Variants in AXIN1 observed in about 807,000 individuals in gnomAD.
The protein encoded by AXIN1 is axin-1.
In AXIN1, 30 loss-of-function variants were observed where a neutral mutation model predicts 76.4. The ratio of observed to expected loss-of-function variants is 0.39; its 90% CI spans 0.29 to 0.53. The LOEUF (loss-of-function observed/expected upper bound fraction) is 0.53, where lower values mean the gene tolerates loss of function less well. AXIN1 is among the 20% of genes least tolerant of loss of function. The pLI is 0.66. For missense variants in AXIN1, 1,140 were observed against 1,198.8 expected (o/e 0.95, Z 0.72); for synonymous variants, 545 against 501.4 (o/e 1.09, Z -1.16).
chr16:325,315 C>T (rs543967185), intron 2 of AXIN1, among the ~76,000 whole-genome samples: 2 of 152,298 alleles, frequency 1.3e-5, no homozygotes, highest in Non-Finnish European at 2.9e-5. Context: ...CCCGCTGCTC[C>T]GGCGCCCCCT....
intron 5 of AXIN1, 117 bp downstream of exon 5, chr16:304,187 T>C (rs756896944): frequency 2.2e-5 from 35 of 1,556,162 alleles, no homozygotes; most frequent in South Asian, 6.8e-5. Context: ...GGAGGCCTCA[T>C]GGGTCAGCAG....
chr16:322,306 C>G (rs1439001410), intron 2 of AXIN1, among the ~76,000 whole-genome samples: 1 of 152,236 alleles, frequency 6.6e-6, no homozygotes, highest in Non-Finnish European at 1.5e-5. Context: ...GATGGCCCTG[C>G]TGGTAGTGCG....
intron 6 of AXIN1, among the ~76,000 whole-genome samples, 191 bp from the exon 7 acceptor site, chr16:297,417 C>G (rs2052743860): frequency 6.6e-6 from 1 of 152,156 alleles, no homozygotes; most frequent in African/African-American, 2.4e-5. Context: ...CCCCTGCCCG[C>G]TGTCCTGGTG....
chr16:322,655 A>C (rs2053485136), intron 2 of AXIN1, among the ~76,000 whole-genome samples: 1 of 152,210 alleles, frequency 6.6e-6, no homozygotes, highest in African/African-American at 2.4e-5. Context: ...ATGTGTCTCC[A>C]GCCACCTGAG....
At chr16:299,971 AT>A (rs993945897) in intron 5 of AXIN1, among the ~76,000 whole-genome samples, 2 of 147,606 alleles carry the variant, frequency 1.4e-5, no homozygotes, top group Non-Finnish European at 3.0e-5. Context: ...TATTTATTTA[AT>A]TTTTTTTTGA....
rs1329229363 is a variant in AXIN1, at chr16:287,969, C to G, written c.*153G>C. 1.5e-6 allele frequency: 2 copies of G among 1,330,438 alleles called. No individual in the cohort carries two copies. Among genetic ancestry groups the G allele is most frequent in the Non-Finnish European group, 2.1e-6 (2 of 942,158 alleles). 82.4% of individuals were successfully genotyped at this position (1,330,438 alleles called of 1,614,324 possible). A position where few individuals can be genotyped will look rare whatever the true frequency, so the allele number is the denominator to read the frequency against. ...CTTGTGGACCACTTGGAGGGACCCC[C>G]TACCTGCCTCTAGACACGGGTAGAC... On this transcript the variant is annotated 3_prime_UTR_variant, in exon 11 of 11. Transcript: ENST00000262320.
intron 5 of AXIN1, among the ~76,000 whole-genome samples, chr16:299,824 T>C (rs2052821843): frequency 6.6e-6 from 1 of 151,156 alleles, no homozygotes; most frequent in African/African-American, 2.4e-5. Flanking sequence ...CCCGGCTAAT[T>C]TTTTATATTT....
chr16:296,928 A>G, intron 7 of AXIN1, 128 bp downstream of exon 7: 1 of 1,187,534 alleles, frequency 8.4e-7, no homozygotes, highest in South Asian at 1.3e-5. Context: ...TGCCACAGTG[A>G]CAGGGGAAGT....
intron 2 of AXIN1, among the ~76,000 whole-genome samples, chr16:340,706 C>G (rs1165651933): frequency 6.6e-6 from 1 of 152,180 alleles, no homozygotes; most frequent in Non-Finnish European, 1.5e-5. Context: ...AGAGGCAGAG[C>G]GGGGGAGCCA....
chr16:315,277 T>C (rs1198373956), intron 2 of AXIN1, among the ~76,000 whole-genome samples: 1 of 152,224 alleles, frequency 6.6e-6, no homozygotes, highest in Non-Finnish European at 1.5e-5. Context: ...CTTTTTTCAA[T>C]CTGCACTTCC....
chr16:294,910 A>G (rs888301339), intron 7 of AXIN1, among the ~76,000 whole-genome samples: 4 of 151,138 alleles, frequency 2.6e-5, no homozygotes, highest in African/African-American at 9.7e-5. Context: ...AAAAAATACA[A>G]AAAATTAGCC....
intron 2 of AXIN1, among the ~76,000 whole-genome samples, chr16:326,462 T>C (rs984108719): frequency 2.7e-5 from 4 of 149,694 alleles, no homozygotes; most frequent in Non-Finnish European, 5.9e-5. Context: ...AAAAATGTGA[T>C]TGAGAGCCGG....
intron 2 of AXIN1, among the ~76,000 whole-genome samples, chr16:316,962 A>C (rs539095814): frequency 6.6e-6 from 1 of 152,318 alleles, no homozygotes; most frequent in African/African-American, 2.4e-5. Flanking sequence ...AAGATAACCA[A>C]GACACCTCCC....
At chr16:348,496 T>C (rs1243990727) in intron 1 of AXIN1, among the ~76,000 whole-genome samples, 1 of 152,198 alleles carries the variant, frequency 6.6e-6, no homozygotes, top group Non-Finnish European at 1.5e-5. Flanking sequence ...TGCTCACGGC[T>C]GGAAGCACGA....
In AXIN1 at chr16:352,514, G is replaced by A. The variant is rs1277293812; in HGVS notation, c.-227C>T. 2.6e-6 allele frequency: 2 copies of A among 768,762 alleles called. No homozygotes were observed. The highest frequency in any genetic ancestry group is 5.8e-5 in the South Asian group (1 of 17,224). 47.6% of individuals were successfully genotyped at this position (768,762 alleles called of 1,614,324 possible). ...CCCCCATCTCGGCGGCTGCGGCTCG[G>A]CGGCCCGGAGGCGGACGCGGGGCAG... On this transcript the variant is annotated 5_prime_UTR_variant, in exon 1 of 11. Transcript: ENST00000262320.
rs527829298 is a variant in AXIN1, at chr16:329,383, T to C, written c.879-14700A>G. Among the ~76,000 whole-genome samples, 3 of 152,224 alleles carry C rather than the reference T, an allele frequency of 2.0e-5. No individual in the cohort carries two copies. The East Asian group carries it at 5.8e-4, about 29-fold the overall frequency. On this transcript the variant is annotated intron_variant, in intron 2 of 10. Transcript: ENST00000262320. ...GTGCTAAGAAAAATCTAGAGCGATCTAGATAGAATAGTAGTATCTCTGAGC... is the reference window on the plus strand; with the variant it reads ...GTGCTAAGAAAAATCTAGAGCGATCCAGATAGAATAGTAGTATCTCTGAGC...
At chr16:290,401 G>C (rs2052522633) in intron 9 of AXIN1, 1 of 156,042 alleles carries the variant, frequency 6.4e-6, no homozygotes, top group African/African-American at 2.4e-5. Flanking sequence ...TGCGCTCTTA[G>C]ACGTCCTCCC....
rs1023933056 is a variant in AXIN1, at chr16:309,989, G to A, written c.1100C>T (p.Pro367Leu). ...QESVQVNGRV[P>L]LPHIPRTYRV... ...GGTACTTACGGGAATGTGAGGTAGG[G>A]GCACCCGCCCATTGACCTGCACGCT... The change falls in exon 4 of 11, where the codon CCC becomes CTC. Residue 367 changes from proline (P) to leucine (L), a missense_variant. Physicochemically the swap from Pro to Leu is moderately conservative, Grantham distance 98. Around this residue, in one of 3 missense-constraint regions of AXIN1, gnomAD observed 708 missense variants for 776.9 expected, o/e 0.91. Coordinates refer to ENST00000262320, the MANE Select transcript of AXIN1 (RefSeq NM_003502.4). The A allele has an allele frequency of 3.1e-6, 5 of 1,613,520 alleles. No homozygotes were observed. The highest frequency in any genetic ancestry group is 4.2e-6 in the Non-Finnish European group (5 of 1,180,010).
intron 5 of AXIN1, among the ~76,000 whole-genome samples, chr16:302,805 G>A (rs1416274525): frequency 6.6e-6 from 1 of 152,212 alleles, no homozygotes; most frequent in Non-Finnish European, 1.5e-5. Flanking sequence ...AACATTGAAA[G>A]GAGAATGAAG....
Sources: gnomAD v4.1 joint callset for allele counts (sites outside exome capture counted in the v4.1 genomes callset) on GRCh38, gnomAD v4.1.1 for gene constraint, gnomAD v4.1.1 regional missense constraint, MANE v1.5 for transcripts, NCBI Gene and HGNC (gene_info 2026-07-23, HGNC 2026-07-21) for gene names.